RBFOX1: variants seen among roughly 807,000 people sequenced by gnomAD.
RBFOX1 encodes the protein RNA binding protein fox-1 homolog 1.
RBFOX1 carries 8 observed loss-of-function variants against 57.7 expected under a neutral mutation model. That is an observed-to-expected ratio of 0.14 (90% CI 0.08 to 0.25). The LOEUF (loss-of-function observed/expected upper bound fraction) is 0.25. Ranked by LOEUF, RBFOX1 falls within the 10% of genes least tolerant of loss-of-function variation. The pLI, the probability that RBFOX1 is intolerant of heterozygous loss-of-function variation, is 1.00. For missense variants in RBFOX1, 611 were observed against 548.5 expected (o/e 1.11, Z -1.14); for synonymous variants, 326 against 222.4 (o/e 1.47, Z -4.15).
chr16:7,511,676 C>T (rs1020319666), intron 4 of RBFOX1, among the ~76,000 whole-genome samples: 1 of 151,754 alleles, frequency 6.6e-6, no homozygotes, highest in Admixed American at 6.6e-5. Flanking sequence ...TCCTTTTGCT[C>T]TTGGTAACTG....
In RBFOX1 at chr16:5,239,905, A is replaced by G. The variant is rs767053253; in HGVS notation, c.19A>G (p.Ser7Gly). The G allele has an allele frequency of 2.9e-5, 43 of 1,493,800 alleles. No individual in the cohort carries two copies. In the Admixed American group the frequency reaches 6.5e-4, roughly 23 times the overall value. The allele number at this position is 1,493,800 out of a possible 1,614,324, so 92.5% of individuals were successfully genotyped here. ...CGGAGCCATGGCCAGCCCTTCCGGC[A>G]GCTCCGAAGCCACTGGCAAGCCCCG... The change falls in exon 1 of 3, where the codon AGC (serine) becomes GGC (glycine). Residue 7 changes from serine (S) to glycine (G), a missense_variant. Physicochemically the swap from Ser to Gly is moderately conservative, Grantham distance 56. Transcript: ENST00000585867.
At chr16:6,581,193 C>A (rs1348465817) in intron 2 of RBFOX1, among the ~76,000 whole-genome samples, 1 of 152,134 alleles carries the variant, frequency 6.6e-6, no homozygotes, top group Non-Finnish European at 1.5e-5. Context: ...AATGAAGCAT[C>A]TTCAAGTAGG....
chr16:6,327,586 A>G (rs2082524164), intron 2 of RBFOX1, among the ~76,000 whole-genome samples: 1 of 152,188 alleles, frequency 6.6e-6, no homozygotes, highest in Admixed American at 6.5e-5. Context: ...TTTAAGAGGA[A>G]CTAGGCAATG....
intron 10 of RBFOX1, among the ~76,000 whole-genome samples, chr16:7,616,795 G>A (rs1483109079): frequency 6.6e-6 from 1 of 152,084 alleles, no homozygotes; most frequent in Non-Finnish European, 1.5e-5. Context: ...GTATTCCAAA[G>A]TGCTGGGATT....
At chr16:6,825,427 G>T (rs373262657) in intron 3 of RBFOX1, among the ~76,000 whole-genome samples, 1 of 151,934 alleles carries the variant, frequency 6.6e-6, no homozygotes, top group Admixed American at 6.6e-5. Context: ...GCAAGGCAGG[G>T]ATGATTTGAA....
intron 3 of RBFOX1, among the ~76,000 whole-genome samples, chr16:6,708,722 G>C (rs1054603652): frequency 3.9e-5 from 6 of 152,076 alleles, no homozygotes; most frequent in Non-Finnish European, 8.8e-5. Flanking sequence ...TTCCCTTCTT[G>C]CCCTAGCCCA....
At chr16:6,555,721 A>G (rs1218492520) in intron 2 of RBFOX1, among the ~76,000 whole-genome samples, 2 of 151,998 alleles carry the variant, frequency 1.3e-5, no homozygotes, top group African/African-American at 4.8e-5. Context: ...AAACAAAACA[A>G]ACAAACAAAA....
intron 1 of RBFOX1, among the ~76,000 whole-genome samples, chr16:6,087,878 C>A (rs13334066): frequency 6.6e-6 from 1 of 152,070 alleles, no homozygotes; most frequent in African/African-American, 2.4e-5. Flanking sequence ...GTCTCGATCT[C>A]TTGACCTTGT....
intron 3 of RBFOX1, among the ~76,000 whole-genome samples, chr16:6,955,218 G>A (rs1011029185): frequency 6.6e-5 from 10 of 152,002 alleles, no homozygotes; most frequent in Admixed American, 6.6e-4. Context: ...TCCAGCCTGC[G>A]CAACAGAGTG....
chr16:6,891,454 C>A (rs1032853620), intron 3 of RBFOX1, among the ~76,000 whole-genome samples: 3 of 151,788 alleles, frequency 2.0e-5, no homozygotes, highest in South Asian at 2.1e-4. Flanking sequence ...AAGACACATA[C>A]ACACACACAC....
At chr16:6,291,140 G>A (rs1189289324) in intron 1 of RBFOX1, among the ~76,000 whole-genome samples, 2 of 152,126 alleles carry the variant, frequency 1.3e-5, no homozygotes, top group East Asian at 1.9e-4. Flanking sequence ...TGGTTTTGGT[G>A]GGTTTTGGCC....
chr16:5,757,312 A>C (rs1435809847), intron 3 of RBFOX1, among the ~76,000 whole-genome samples: 1 of 151,084 alleles, frequency 6.6e-6, no homozygotes, highest in African/African-American at 2.4e-5. Flanking sequence ...GTTCACTGCA[A>C]CGCTTGCCTC....
intron 1 of RBFOX1, among the ~76,000 whole-genome samples, chr16:6,265,337 C>G (rs1438023040): frequency 6.6e-6 from 1 of 152,088 alleles, no homozygotes; most frequent in Non-Finnish European, 1.5e-5. Flanking sequence ...TCTCGGCTCA[C>G]TACAACCTCT....
intron 1 of RBFOX1, among the ~76,000 whole-genome samples, chr16:6,276,094 T>A (rs1166804609): frequency 1.1e-4 from 17 of 152,328 alleles, no homozygotes; most frequent in South Asian, 4.1e-4. Context: ...AACATTTTTT[T>A]AAAATTTAAA....
intron 3 of RBFOX1, among the ~76,000 whole-genome samples, chr16:7,044,628 G>A (rs113949318): frequency 3.9e-5 from 6 of 152,054 alleles, no homozygotes; most frequent in African/African-American, 9.7e-5. Flanking sequence ...AAGGAACAGC[G>A]CCCGACCTTC....
downstream of RBFOX1, among the ~76,000 whole-genome samples, chr16:5,604,909 T>C (rs759179112): frequency 2.6e-5 from 4 of 152,146 alleles, no homozygotes; most frequent in African/African-American, 4.8e-5. Context: ...CCTGCTGCAG[T>C]CTCAGCAAAT....
chr16:6,895,854 A>G (rs1204904344), intron 3 of RBFOX1, among the ~76,000 whole-genome samples: 1 of 152,152 alleles, frequency 6.6e-6, no homozygotes, highest in Non-Finnish European at 1.5e-5. Context: ...TACCATGTGT[A>G]AAATGAAGAT....
intron 1 of RBFOX1, among the ~76,000 whole-genome samples, chr16:6,231,178 G>A (rs903224625): frequency 2.0e-5 from 3 of 151,642 alleles, no homozygotes; most frequent in Non-Finnish European, 4.4e-5. Context: ...GGAAGTCGGG[G>A]CTGTTTTAGA....
chr16:7,062,928 T>G (rs978851367), intron 4 of RBFOX1, among the ~76,000 whole-genome samples: 9 of 122,296 alleles, frequency 7.4e-5, no homozygotes, highest in African/African-American at 2.6e-4. Context: ...TTTTTTTTTT[T>G]GCTGAAGTTA....
Sources: gnomAD v4.1 joint callset for allele counts (sites outside exome capture counted in the v4.1 genomes callset) on GRCh38, gnomAD v4.1.1 for gene constraint, MANE v1.5 for transcripts, NCBI Gene and HGNC (gene_info 2026-07-23, HGNC 2026-07-21) for gene names.